The following TXN2 variants were observed in gnomAD, a reference collection of about 807,000 sequenced individuals.
TXN2 encodes thioredoxin 2.
In TXN2, 12 loss-of-function variants were observed where a neutral mutation model predicts 14.6. The ratio of observed to expected loss-of-function variants is 0.82; its 90% CI spans 0.53 to 1.33. The LOEUF (loss-of-function observed/expected upper bound fraction) is 1.33, where lower values mean the gene tolerates loss of function less well. Ranked by LOEUF, TXN2 falls within the 40% of genes most tolerant of loss-of-function variation. The probability of loss-of-function intolerance (pLI) is 0.00; values close to 1 mark genes in which losing one functional copy is unlikely to be tolerated. For synonymous variants in TXN2, 89 were observed against 81.0 expected (o/e 1.10, Z -0.53); for missense variants, 173 against 207.7 (o/e 0.83, Z 1.03).
At chr22:36,480,494 C>A in intron 2 of TXN2, 81 bp downstream of exon 2, 1 of 1,544,718 alleles carries the variant, frequency 6.5e-7, no homozygotes, top group South Asian at 1.2e-5. Flanking sequence ...CAGCATAGAA[C>A]ATGGCCGTGG....
rs377350287 is a variant in TXN2 at position 36,480,889 on chromosome 22, A to C, written c.1-52T>G. On this transcript the variant is annotated intron_variant, in intron 1 of 3. Coordinates refer to ENST00000216185, the MANE Select transcript of TXN2 (RefSeq NM_012473.4). ...GGGGCACACAAAAGGAAGTCGACACACTAGAAAAAGATTTGGGGAGTACTC... is the reference window on the plus strand; with the variant it reads ...GGGGCACACAAAAGGAAGTCGACACCCTAGAAAAAGATTTGGGGAGTACTC... 12 of 1,507,302 alleles carry C rather than the reference A, an allele frequency of 8.0e-6. No homozygotes were observed. The African/African-American group carries it at 1.5e-4, about 19-fold the overall frequency. The allele number at this position is 1,507,302 out of a possible 1,614,324, so 93.4% of individuals were successfully genotyped here.
chr22:36,468,676 G>C (rs999119707), intron 3 of TXN2: 1 of 449,394 alleles, frequency 2.2e-6, no homozygotes, highest in Non-Finnish European at 4.4e-6. Context: ...AGTGAGCTGT[G>C]ATTGTGCCAC....
intron 3 of TXN2, among the ~76,000 whole-genome samples, chr22:36,472,877 CGGGGCCTTCAGAACCAGAAAGTCAATCT>C (rs1310383616): frequency 2.2e-4 from 23 of 105,270 alleles, no homozygotes; most frequent in African/African-American, 8.1e-4. Flanking sequence ...AAAGTCAGTC[CGGGGCCTTCAGAACCAGAAAGTCAATCT>C]GGGGCCTTCA....
Position 36,467,689 on chromosome 22 carries a change from A to G in TXN2, c.*115T>C. 1.1e-6 allele frequency: 1 copy of G among 900,450 alleles called. No homozygotes were observed. The allele number at this position is 900,450 out of a possible 1,614,324, so 55.8% of individuals were successfully genotyped here. A position where few individuals can be genotyped will look rare whatever the true frequency, so the allele number is the denominator to read the frequency against. ...CACTCAGGGCTGGAGCCTGGGCTCT[A>G]AGCATGGGCCCCAGGAGCCAGACAG... On this transcript the variant is annotated 3_prime_UTR_variant, in exon 4 of 4. Coordinates refer to ENST00000216185, the MANE Select transcript of TXN2 (RefSeq NM_012473.4).
intron 3 of TXN2, among the ~76,000 whole-genome samples, chr22:36,471,453 C>G (rs1933272808): frequency 6.6e-6 from 1 of 152,208 alleles, no homozygotes. Context: ...TAAGGGCCTA[C>G]CAAGGGAAAG....
chr22:36,468,795 A>G, intron 3 of TXN2: 1 of 341,418 alleles, frequency 2.9e-6, no homozygotes, highest in Non-Finnish European at 5.9e-6. Context: ...TAATCCCAGC[A>G]TTTTGGGAGG....
chr22:36,468,510 G>T (rs1347884145), intron 3 of TXN2: 1 of 311,978 alleles, frequency 3.2e-6, no homozygotes, highest in Admixed American at 4.4e-5. Context: ...GATTGCTTGA[G>T]TTCAAGAGTT....
rs186768968 is a variant in TXN2, at chr22:36,472,433, G to A, written c.387+4300C>T. Among the ~76,000 whole-genome samples the A allele has an allele frequency of 6.6e-5, 10 of 152,210 alleles. No homozygotes were observed. The East Asian group carries it at 1.9e-3, about 29-fold the overall frequency. On this transcript the variant is annotated intron_variant, in intron 3 of 3. Transcript: ENST00000216185. ...AGAGTGATCCCCTATGTAAACTTTT[G>A]GCTTTGGGGGATAATGATGTCCGTG... is the stretch of plus-strand genomic sequence containing the variant.
intron 2 of TXN2, among the ~76,000 whole-genome samples, chr22:36,479,054 GA>G (rs1321665752): frequency 6.6e-6 from 1 of 152,136 alleles, no homozygotes. Context: ...TTGAGATCAG[GA>G]GGTAGAGACT....
chr22:36,476,806 G>T lies in TXN2; in HGVS notation c.314C>A (p.Ala105Asp). 6.2e-7 allele frequency: 1 copy of T among 1,614,052 alleles called. No individual in the cohort carries two copies. The highest frequency in any genetic ancestry group is 2.2e-5 in the East Asian group (1 of 44,876). ...ILGPRLEKMV[A>D]KQHGKVVMAK... ...CATCACCACCTTCCCGTGCTGCTTG[G>T]CCACCATCTTCTCTAACCTCGGCCC... Residue 105 changes from alanine to aspartate, a missense_variant, in exon 3 of 4, where the codon GCC (alanine) becomes GAC (aspartate). Physicochemically the swap from Ala to Asp is moderately radical, Grantham distance 126 (BLOSUM62 -2). Transcript: ENST00000216185.
At position 36,467,770 on chromosome 22, in the gene TXN2, C is replaced by A; in HGVS notation, c.*34G>T. ...AGGGCTGAGTTCTATTGGGGTCCCA[C>A]GCGGGCAAGGGAACCAGGACTCATC... On this transcript the variant is annotated 3_prime_UTR_variant, in exon 4 of 4. Transcript: ENST00000216185. 1 of 1,566,650 alleles carries A rather than the reference C, an allele frequency of 6.4e-7. No individual in the cohort carries two copies. The highest frequency in any genetic ancestry group is 8.8e-7 in the Non-Finnish European group (1 of 1,138,328).
intron 2 of TXN2, among the ~76,000 whole-genome samples, chr22:36,477,731 T>C (rs1028894544): frequency 8.5e-5 from 13 of 152,154 alleles, no homozygotes; most frequent in East Asian, 3.9e-4. Flanking sequence ...ACCCCTCAAC[T>C]CTGCAAAGAG....
chr22:36,475,116 G>C (rs1231551769), intron 3 of TXN2, among the ~76,000 whole-genome samples: 1 of 152,246 alleles, frequency 6.6e-6, no homozygotes, highest in South Asian at 2.1e-4. Context: ...GGTGGCTTAC[G>C]CCTGTAATCC....
At chr22:36,473,753 G>A (rs894194042) in intron 3 of TXN2, among the ~76,000 whole-genome samples, 1 of 152,120 alleles carries the variant, frequency 6.6e-6, no homozygotes, top group Non-Finnish European at 1.5e-5. Flanking sequence ...CGGTGGGTGT[G>A]GGGGGAGATT....
intron 3 of TXN2, among the ~76,000 whole-genome samples, chr22:36,468,224 A>G (rs933992974): frequency 6.6e-6 from 1 of 152,166 alleles, no homozygotes; most frequent in African/African-American, 2.4e-5. Context: ...TAACCCTTGC[A>G]GCTGCAGGCC....
At chr22:36,472,528 CG>C (rs1329928053) in intron 3 of TXN2, among the ~76,000 whole-genome samples, 3 of 152,098 alleles carry the variant, frequency 2.0e-5, no homozygotes, top group African/African-American at 7.2e-5. Flanking sequence ...GCTGGGCATG[CG>C]GGAGGACAGG....
In TXN2 at chr22:36,480,730, T is replaced by C. The variant is rs776346675; in HGVS notation, c.108A>G (p.Gln36=). 1.7e-5 allele frequency: 27 copies of C among 1,613,952 alleles called. No individual in the cohort carries two copies. Among genetic ancestry groups the C allele is most frequent in the Middle Eastern group, 1.7e-4 (1 of 6,050 alleles). The change falls in exon 2 of 4, where the codon CAA becomes CAG. Residue 36 remains glutamine (Q), a synonymous_variant. Coordinates refer to ENST00000216185, the MANE Select transcript of TXN2 (RefSeq NM_012473.4). The part of the protein sequence containing the change: ...PLTSRALQTP[Q]CSPGGLTVTP... ...TTACAGTCAGGCCACCAGGACTGCATTGTGGGGTCTGCAGGGCTCTGGAAG... is the reference window on the plus strand; with the variant it reads ...TTACAGTCAGGCCACCAGGACTGCACTGTGGGGTCTGCAGGGCTCTGGAAG...
At chr22:36,471,941 C>T (rs995662378) in intron 3 of TXN2, among the ~76,000 whole-genome samples, 11 of 149,342 alleles carry the variant, frequency 7.4e-5, no homozygotes, top group Non-Finnish European at 1.5e-4. Context: ...CTTCACTCCA[C>T]CTGGGTGAAA....
intron 1 of TXN2, chr22:36,481,216 G>C (rs539417357): frequency 4.3e-5 from 7 of 164,110 alleles, no homozygotes; most frequent in Middle Eastern, 3.0e-3. Flanking sequence ...TGCGAGTAAG[G>C]GAAGGAATAC....
Sources: gnomAD v4.1 joint callset for allele counts (sites outside exome capture counted in the v4.1 genomes callset) on GRCh38, gnomAD v4.1.1 for gene constraint, MANE v1.5 for transcripts, NCBI Gene and HGNC (gene_info 2026-07-23, HGNC 2026-07-21) for gene names.